The following DPYD variants were observed in gnomAD, a reference collection of about 807,000 sequenced individuals.
DPYD encodes dihydropyrimidine dehydrogenase.
A neutral mutation model predicts 116.2 loss-of-function variants in DPYD; 109 were observed. That is an observed-to-expected ratio of 0.94 (90% confidence interval 0.80 to 1.10). DPYD has a LOEUF of 1.10. Among genes scored for constraint, DPYD ranks in the 50% least tolerant of loss-of-function variants. The probability of loss-of-function intolerance (pLI) is 0.00; values close to 1 mark genes in which losing one functional copy is unlikely to be tolerated. For synonymous variants in DPYD, 440 were observed against 432.0 expected (o/e 1.02, Z -0.23); for missense variants, 1,302 against 1,254.5 (o/e 1.04, Z -0.57).
intron 1 of DPYD, among the ~76,000 whole-genome samples, chr1:97,908,404 AC>A (rs1236754518): frequency 6.6e-6 from 1 of 151,462 alleles, no homozygotes; most frequent in Non-Finnish European, 1.5e-5. Flanking sequence ...ACTCCCTATA[AC>A]TCAGTGCTTC....
At chr1:97,178,131 A>G (rs1657415932) in intron 20 of DPYD, among the ~76,000 whole-genome samples, 1 of 152,168 alleles carries the variant, frequency 6.6e-6, no homozygotes, top group Admixed American at 6.6e-5. Context: ...TAAACATCTT[A>G]GCTGTATGTT....
chr1:97,522,256 C>G (rs1010846354), intron 12 of DPYD, among the ~76,000 whole-genome samples: 7 of 152,132 alleles, frequency 4.6e-5, no homozygotes, highest in Non-Finnish European at 1.0e-4. Flanking sequence ...AGGGTATGAA[C>G]AGACACTTCT....
chr1:97,357,836 T>C (rs1670499614), intron 16 of DPYD, among the ~76,000 whole-genome samples: 1 of 152,170 alleles, frequency 6.6e-6, no homozygotes. Context: ...GATTCCATTC[T>C]GAGATGGCCG....
At chr1:97,202,080 TGTC>T (rs1179859060) in intron 19 of DPYD, among the ~76,000 whole-genome samples, 1 of 152,142 alleles carries the variant, frequency 6.6e-6, no homozygotes, top group Non-Finnish European at 1.5e-5. Flanking sequence ...TGAGTTCAGT[TGTC>T]TATGTTCTGA....
chr1:97,663,267 G>C (rs919036865), intron 8 of DPYD, among the ~76,000 whole-genome samples: 1 of 152,134 alleles, frequency 6.6e-6, no homozygotes, highest in Non-Finnish European at 1.5e-5. Flanking sequence ...TAAGAAGTCA[G>C]GAAAGATCTC....
chr1:97,160,978 A>C (rs557882309), intron 20 of DPYD, among the ~76,000 whole-genome samples: 2 of 152,278 alleles, frequency 1.3e-5, no homozygotes, highest in South Asian at 4.1e-4. Flanking sequence ...AAACTTGGCT[A>C]ATCACTCCCT....
At chr1:97,749,824 C>T (rs1003233059) in intron 3 of DPYD, among the ~76,000 whole-genome samples, 1 of 151,996 alleles carries the variant, frequency 6.6e-6, no homozygotes, top group Non-Finnish European at 1.5e-5. Context: ...TTACATGATG[C>T]TCAATACACT....
intron 12 of DPYD, among the ~76,000 whole-genome samples, chr1:97,528,195 T>C (rs906233702): frequency 2.6e-5 from 4 of 152,174 alleles, no homozygotes; most frequent in Non-Finnish European, 5.9e-5. Context: ...GTTTCCATGA[T>C]GGAAAGGCCT....
intron 20 of DPYD, among the ~76,000 whole-genome samples, chr1:97,169,453 C>T (rs946659712): frequency 9.9e-5 from 15 of 151,938 alleles, no homozygotes; most frequent in African/African-American, 3.6e-4. Context: ...AGAGAAAATG[C>T]CCTTAGTAGG....
chr1:97,437,855 T>C (rs1675553509), intron 14 of DPYD, among the ~76,000 whole-genome samples: 10 of 152,010 alleles, frequency 6.6e-5, no homozygotes, highest in Non-Finnish European at 1.5e-5. Flanking sequence ...TTTATAGTTT[T>C]AGGTTTCTCA....
chr1:97,305,279 G>A lies in DPYD; in HGVS notation c.2279C>T (p.Thr760Ile), dbSNP rs112766203. Residue 760 changes from threonine (T) to isoleucine (I), a missense_variant, in exon 18 of 23, where the codon ACT (threonine) becomes ATT (isoleucine). By Grantham distance (89) the Thr-to-Ile change is moderately conservative (BLOSUM62 -1). Transcript: ENST00000370192. ...PWPAVGIAKRTTYGGVSGTAI... is the reference protein window; with the variant it reads ...PWPAVGIAKRITYGGVSGTAI... ...CCTACCAGACACTCCTCCATATGTA[G>A]TTCGCTTTGCAATCCCCACTGCTGG... 3.0e-4 allele frequency: 491 copies of A among 1,612,332 alleles called. 6 individuals carry two copies. In the South Asian group the frequency reaches 5.1e-3, roughly 17 times the overall value.
intron 8 of DPYD, among the ~76,000 whole-genome samples, chr1:97,626,543 A>AT (rs1334291607): frequency 6.6e-6 from 1 of 152,044 alleles, no homozygotes; most frequent in Non-Finnish European, 1.5e-5. Flanking sequence ...ATTGGTTCAC[A>AT]TTTTGCCTCA....
intron 14 of DPYD, among the ~76,000 whole-genome samples, chr1:97,408,242 T>A (rs989355912): frequency 6.6e-6 from 1 of 152,148 alleles, no homozygotes; most frequent in South Asian, 2.1e-4. Context: ...AAAGAATGGG[T>A]AGTAGAAGAA....
chr1:97,380,825 A>T (rs1671914268), intron 15 of DPYD, among the ~76,000 whole-genome samples: 1 of 152,126 alleles, frequency 6.6e-6, no homozygotes, highest in Non-Finnish European at 1.5e-5. Flanking sequence ...ATCTGTTTTA[A>T]CCGGTTTTGA....
chr1:97,323,193 C>A lies in DPYD; in HGVS notation c.2059-16896G>T, dbSNP rs138928406. 1.8e-3 allele frequency among the ~76,000 whole-genome samples: 266 copies of A among 146,118 alleles called. 3 individuals carry two copies. The highest frequency in any genetic ancestry group is 5.9e-3 in the African/African-American group (231 of 39,478). Reference sequence around the variant, plus strand: ...TGTATATATACATATCATATATACACGTATATATATCCACATATGTGTATA... The same window carrying A: ...TGTATATATACATATCATATATACAAGTATATATATCCACATATGTGTATA... On this transcript the variant is annotated intron_variant, in intron 16 of 22. Transcript: ENST00000370192.
intron 22 of DPYD, among the ~76,000 whole-genome samples, chr1:97,080,873 A>AT (rs1649103149): frequency 6.6e-6 from 1 of 152,054 alleles, no homozygotes; most frequent in Admixed American, 6.6e-5. Context: ...TACTAAGAAG[A>AT]TTTTTCTAAA....
At chr1:97,888,538 G>A (rs1672616539) in intron 1 of DPYD, among the ~76,000 whole-genome samples, 1 of 145,584 alleles carries the variant, frequency 6.9e-6, no homozygotes. Context: ...CTCAATGAAT[G>A]TGAAGTATGC....
chr1:97,593,175 C>T, intron 10 of DPYD, 43 bp downstream of exon 10: 2 of 1,597,130 alleles, frequency 1.3e-6, no homozygotes, highest in Non-Finnish European at 1.7e-6. Context: ...CTCCTAAAAT[C>T]TGTTGGAGTA....
intron 18 of DPYD, among the ~76,000 whole-genome samples, chr1:97,264,673 G>C (rs901346615): frequency 2.6e-5 from 4 of 152,018 alleles, no homozygotes; most frequent in Admixed American, 2.0e-4. Context: ...AATGTCAGCT[G>C]ATCTTCACAA....
Sources: allele counts gnomAD v4.1 joint callset (sites outside exome capture counted in the v4.1 genomes callset), GRCh38; gene constraint gnomAD v4.1.1; transcripts MANE v1.5; gene names NCBI Gene and HGNC (gene_info 2026-07-23, HGNC 2026-07-21).